Variants in SEL1L2 observed in about 807,000 individuals in gnomAD.
SEL1L2 encodes the protein protein sel-1 homolog 2.
In SEL1L2, 89 loss-of-function variants were observed where a neutral mutation model predicts 98.8. The observed-to-expected ratio is 0.90, with a 90% CI of 0.76 to 1.07. The LOEUF is 1.07. SEL1L2 is among the 50% of genes least tolerant of loss of function. The pLI, the probability that SEL1L2 is intolerant of heterozygous loss-of-function variation, is 0.00. For synonymous variants in SEL1L2, 262 were observed against 278.5 expected, an observed-to-expected ratio of 0.94 and a Z score of 0.59; for missense variants, 788 against 812.0, an observed-to-expected ratio of 0.97 and a Z score of 0.36.
At chr20:13,992,639 T>C (rs1306208764), upstream of SEL1L2, among the ~76,000 whole-genome samples, 1 of 152,202 alleles carries the variant, frequency 6.6e-6, no homozygotes, top group African/African-American at 2.4e-5. Context: ...AGTCACTCCA[T>C]TCTTAATAAT....
chr20:13,933,165 C>A (rs1034258739), intron 2 of SEL1L2, among the ~76,000 whole-genome samples: 4 of 151,744 alleles, frequency 2.6e-5, no homozygotes, highest in Non-Finnish European at 2.9e-5. Flanking sequence ...GCTGAGATTG[C>A]GCCACTGTAC....
intron 3 of SEL1L2, among the ~76,000 whole-genome samples, chr20:13,928,629 T>G (rs569282224): frequency 6.6e-6 from 1 of 152,314 alleles, no homozygotes; most frequent in East Asian, 1.9e-4. Context: ...TCTTGCTAAC[T>G]TCTCTAACAA....
rs186817731 is a variant in SEL1L2, at chr20:13,979,740, A to G, written c.58+10737T>C. On this transcript the variant is annotated intron_variant, in intron 1 of 19. Transcript: ENST00000284951. Reference sequence around the variant, plus strand: ...ATAAAAAAGATTTAAGCATAAGACCAGAAACTCTAAAAGTACTAAAAGAAA... The same window carrying G: ...ATAAAAAAGATTTAAGCATAAGACCGGAAACTCTAAAAGTACTAAAAGAAA... 4.8e-3 allele frequency among the ~76,000 whole-genome samples: 730 copies of G among 152,304 alleles called. 5 individuals carry two copies. The highest frequency in any genetic ancestry group is 0.017 in the African/African-American group (687 of 41,574).
intron 1 of SEL1L2, among the ~76,000 whole-genome samples, chr20:13,958,922 CAA>C (rs34641853): frequency 1.0e-4 from 12 of 116,750 alleles, no homozygotes; most frequent in East Asian, 2.5e-4. Flanking sequence ...GACTCTGTCT[CAA>C]AAAAAAAAAA....
In SEL1L2 at chr20:13,979,083, AAAG is replaced by A. The variant is rs1569078906; in HGVS notation, c.58+11391_58+11393del. 4.8e-3 allele frequency among the ~76,000 whole-genome samples: 738 copies of A among 152,308 alleles called. 5 individuals are homozygous for A. Among genetic ancestry groups the A allele is most frequent in the African/African-American group, 0.017 (693 of 41,566 alleles). On this transcript the variant is annotated intron_variant, in intron 1 of 19. Transcript: ENST00000284951. ...CAAAAAGAAAAAAGAGAAAAGAAAA[AAAG>A]AATGTAATCGTCATTTTTGCAACAT...
intron 2 of SEL1L2, among the ~76,000 whole-genome samples, chr20:13,951,052 G>T (rs530957361): frequency 6.6e-6 from 1 of 151,680 alleles, no homozygotes; most frequent in Non-Finnish European, 1.5e-5. Context: ...CGAGGCGTGC[G>T]GATCACAAGG....
chr20:13,933,522 G>A (rs1398768237), intron 2 of SEL1L2, among the ~76,000 whole-genome samples: 1 of 152,196 alleles, frequency 6.6e-6, no homozygotes, highest in African/African-American at 2.4e-5. Context: ...CATATAGTAT[G>A]TGATTTTTGT....
intron 10 of SEL1L2, among the ~76,000 whole-genome samples, chr20:13,882,267 G>A (rs1445026459): frequency 6.6e-6 from 1 of 152,258 alleles, no homozygotes; most frequent in East Asian, 1.9e-4. Flanking sequence ...TATCTCCCCT[G>A]CCATTCCAAG....
intron 5 of SEL1L2, among the ~76,000 whole-genome samples, chr20:13,904,893 T>C (rs80179675): frequency 0.042 from 6,471 of 152,288 alleles, 450 homozygotes; most frequent in African/African-American, 0.14. Flanking sequence ...TGGGCTTGTA[T>C]TTTAAGAAAC....
At chr20:13,926,734 C>T (rs62207685) in intron 3 of SEL1L2, among the ~76,000 whole-genome samples, 7,697 of 152,130 alleles carry the variant, frequency 0.051, 251 homozygotes, top group Non-Finnish European at 0.073. Context: ...CCAAATATGC[C>T]GAAAAATAAT....
intron 5 of SEL1L2, among the ~76,000 whole-genome samples, chr20:13,894,034 C>G (rs548554890): frequency 6.6e-6 from 1 of 151,656 alleles, no homozygotes; most frequent in African/African-American, 2.4e-5. Flanking sequence ...GTAAAGCATC[C>G]CATAAGATGC....
intron 3 of SEL1L2, among the ~76,000 whole-genome samples, chr20:13,930,429 G>C (rs1355058155): frequency 6.6e-6 from 1 of 152,204 alleles, no homozygotes; most frequent in African/African-American, 2.4e-5. Flanking sequence ...ACTGGCCCCA[G>C]GGGGAACTTT....
intron 2 of SEL1L2, 29 bp downstream of exon 2, chr20:13,956,047 A>G: frequency 7.4e-7 from 1 of 1,353,882 alleles, no homozygotes; most frequent in Non-Finnish European, 1.0e-6. Context: ...TTTCTATTAA[A>G]AAATGTAAAG....
intron 5 of SEL1L2, among the ~76,000 whole-genome samples, chr20:13,890,188 G>C (rs1191090448): frequency 6.6e-6 from 1 of 152,156 alleles, no homozygotes; most frequent in Non-Finnish European, 1.5e-5. Context: ...CCTTGGGAGG[G>C]AAAGAGAAGA....
At chr20:13,903,913 A>G (rs6079207) in intron 5 of SEL1L2, among the ~76,000 whole-genome samples, 24,812 of 152,164 alleles carry the variant, frequency 0.16, 2,150 homozygotes, top group African/African-American at 0.23. Flanking sequence ...TATTAGTGTT[A>G]CCACTCTCCA....
chr20:13,936,564 A>G (rs2049461670), intron 2 of SEL1L2, among the ~76,000 whole-genome samples: 1 of 152,168 alleles, frequency 6.6e-6, no homozygotes, highest in African/African-American at 2.4e-5. Context: ...AATTGGATTC[A>G]GTGCATAAAG....
chr20:13,850,276 G>T lies in SEL1L2; in HGVS notation c.1862C>A (p.Thr621Lys). 1.2e-6 allele frequency: 2 copies of T among 1,614,060 alleles called. No homozygotes were observed. Among genetic ancestry groups the T allele is most frequent in the Non-Finnish European group, 1.7e-6 (2 of 1,179,922 alleles). The change falls in exon 19 of 20, where the codon ACG becomes AAG. Residue 621 changes from threonine (T) to lysine (K), a missense_variant. Physicochemically the swap from Thr to Lys is moderately conservative, Grantham distance 78 (BLOSUM62 -1). Coordinates refer to ENST00000284951, the MANE Select transcript of SEL1L2 (RefSeq NM_025229.2). The part of the protein sequence containing the change: ...ARRLYDMAAQ[T>K]SPDAHIPVLF... ...CACAGGTATGTGGGCATCTGGACTC[G>T]TTTGAGCAGCCATGTCGTACAATCT...
At chr20:13,989,029 A>G (rs1163586950) in intron 1 of SEL1L2, among the ~76,000 whole-genome samples, 1 of 152,144 alleles carries the variant, frequency 6.6e-6, no homozygotes, top group Non-Finnish European at 1.5e-5. Flanking sequence ...AAATAAATAA[A>G]CAAATAAATA....
chr20:13,922,591 G>T (rs2048713580), intron 3 of SEL1L2, among the ~76,000 whole-genome samples: 1 of 152,170 alleles, frequency 6.6e-6, no homozygotes, highest in South Asian at 2.1e-4. Flanking sequence ...CAGTGTCTGT[G>T]TAGGCTAGAT....
Sources: allele counts gnomAD v4.1 joint callset (sites outside exome capture counted in the v4.1 genomes callset), GRCh38; gene constraint gnomAD v4.1.1; transcripts MANE v1.5; gene names NCBI Gene and HGNC (gene_info 2026-07-23, HGNC 2026-07-21).